Variants in SAG observed in about 807,000 individuals in gnomAD.
SAG encodes the protein S-antigen visual arrestin.
In SAG, 45 loss-of-function variants were observed where a neutral mutation model predicts 55.0. The observed-to-expected ratio is 0.82, with a 90% CI of 0.64 to 1.05. SAG has a LOEUF of 1.05. Ranked by LOEUF, SAG falls within the 50% of genes least tolerant of loss-of-function variation. The pLI, the probability that SAG is intolerant of heterozygous loss-of-function variation, is 0.00. For synonymous variants in SAG, 189 were observed against 197.4 expected (o/e 0.96, Z 0.36); for missense variants, 455 against 512.1 (o/e 0.89, Z 1.08).
chr2:233,310,506 C>CTTTTTT (rs967605903), intron 2 of SAG, among the ~76,000 whole-genome samples: 3 of 115,434 alleles, frequency 2.6e-5, no homozygotes, highest in African/African-American at 7.7e-5. Context: ...ATCATTCTGG[C>CTTTTTT]TTTTTTTTTT....
Position 233,319,639 on chromosome 2 carries a change from A to G in SAG, c.181+844A>G, listed in dbSNP as rs1259304715. 7 of 985,866 alleles carry G rather than the reference A, an allele frequency of 7.1e-6. No individual in the cohort carries two copies. In the Admixed American group the frequency reaches 4.3e-4, roughly 60 times the overall value. The allele number at this position is 985,866 out of a possible 1,614,324, so 61.1% of individuals were successfully genotyped here. The stretch of plus-strand genomic sequence containing the variant: ...CCAAACGGCCCCCTCTGTCCTCTCC[A>G]CCTTCCTCCTGGGTGCCCTGCTCCT... On this transcript the variant is annotated intron_variant, in intron 4 of 15. Coordinates refer to ENST00000409110, the MANE Select transcript of SAG (RefSeq NM_000541.5). This position sits in a 1 kb window ranked among gnomAD's most constrained non-coding sequence, Gnocchi z 4.4.
At chr2:233,334,287 T>C (rs1377426471) in intron 10 of SAG, 3 of 152,298 alleles carry the variant, frequency 2.0e-5, no homozygotes, top group African/African-American at 7.2e-5. Context: ...TTCATGATCC[T>C]GGCCATGCTG....
At chr2:233,327,403 C>T in intron 7 of SAG, 1 of 479,280 alleles carries the variant, frequency 2.1e-6, no homozygotes, top group East Asian at 3.3e-5. Context: ...TTAGCAACCT[C>T]CAGGGCTCAC....
chr2:233,326,177 C>T (rs1186924607), intron 6 of SAG, among the ~76,000 whole-genome samples: 2 of 152,116 alleles, frequency 1.3e-5, no homozygotes, highest in African/African-American at 2.4e-5. Context: ...CACTGGGAAT[C>T]GGGGGAAGGT....
In SAG at chr2:233,335,110, G is replaced by A. The variant is rs574597835; in HGVS notation, c.944+11G>A. ...TGCCTCCAGCACCATGTGAGTCCTCGAGGCTCAGGGAATAAGCCCTGGCAG... is the reference window on the plus strand; with the variant it reads ...TGCCTCCAGCACCATGTGAGTCCTCAAGGCTCAGGGAATAAGCCCTGGCAG... On this transcript the variant is annotated intron_variant, in intron 11 of 15. Coordinates refer to ENST00000409110, the MANE Select transcript of SAG (RefSeq NM_000541.5). 4.4e-6 allele frequency: 7 copies of A among 1,605,506 alleles called. No individual in the cohort carries two copies. Among genetic ancestry groups the A allele is most frequent in the East Asian group, 4.5e-5 (2 of 44,648 alleles).
At chr2:233,341,502 A>C (rs1225088002) in intron 13 of SAG, among the ~76,000 whole-genome samples, 1 of 152,272 alleles carries the variant, frequency 6.6e-6, no homozygotes, top group Non-Finnish European at 1.5e-5. Flanking sequence ...AATATTACTG[A>C]GCCATAAAAA....
chr2:233,338,616 C>A, intron 11 of SAG, 60 bp from the exon 12 acceptor site: 1 of 1,432,738 alleles, frequency 7.0e-7, no homozygotes. Flanking sequence ...AAAGGCTGCC[C>A]ATCTGCTCTT....
In SAG at chr2:233,320,785, A is replaced by C. The variant is rs764430740; in HGVS notation, c.337A>C (p.Lys113Gln). 1 of 1,604,748 alleles carries C rather than the reference A, an allele frequency of 6.2e-7. No individual in the cohort carries two copies. Among genetic ancestry groups the C allele is most frequent in the African/African-American group, 1.3e-5 (1 of 74,684 alleles). The change falls in exon 5 of 16, where the codon AAA (lysine) becomes CAA (glutamine). Residue 113 changes from lysine (K) to glutamine (Q), a missense_variant. Transcript: ENST00000409110. ...CACAAAACTGCAAGAGAGCCTGCTT[A>C]AAAAGCTGGGGAGCAACACGTACCC... ...TPTKLQESLL[K>Q]KLGSNTYPFL...
rs779372942 is a variant in SAG at position 233,319,168 on chromosome 2, G to A, written c.181+373G>A. On this transcript the variant is annotated intron_variant, in intron 4 of 15. Transcript: ENST00000409110. The surrounding 1 kb of genome is among the most constrained non-coding windows in gnomAD (Gnocchi z 4.4). The stretch of plus-strand genomic sequence containing the variant: ...AGGACTCAGGAGGACACAAGACCTT[G>A]AATGAATGAGGGGCGAGTGAGTGGG... 3.9e-5 allele frequency among the ~76,000 whole-genome samples: 6 copies of A among 152,134 alleles called. No individual in the cohort carries two copies. The highest frequency in any genetic ancestry group is 1.5e-5 in the Non-Finnish European group (1 of 68,028).
chr2:233,335,266 C>G (rs1339573014), intron 11 of SAG, among the ~76,000 whole-genome samples, 167 bp downstream of exon 11: 1 of 152,254 alleles, frequency 6.6e-6, no homozygotes, highest in Non-Finnish European at 1.5e-5. Flanking sequence ...ATCCCACTCT[C>G]ACCCCTGGTG....
chr2:233,334,105 G>A (rs1034681187), intron 10 of SAG: 1 of 152,374 alleles, frequency 6.6e-6, no homozygotes, highest in African/African-American at 2.4e-5. Flanking sequence ...AGAGTGTGCA[G>A]CCACGTGACT....
In SAG at chr2:233,346,919, C is replaced by G; in HGVS notation, c.*7C>G. 2 of 1,552,388 alleles carry G rather than the reference C, an allele frequency of 1.3e-6. No individual in the cohort carries two copies. The highest frequency in any genetic ancestry group is 1.8e-6 in the Non-Finnish European group (2 of 1,126,796). ...GAATGACGTTGATGAGTGAAGATGT[C>G]GGCTCAGGATGCCGGAAAATGACCT... On this transcript the variant is annotated 3_prime_UTR_variant, in exon 16 of 16. Coordinates refer to ENST00000409110, the MANE Select transcript of SAG (RefSeq NM_000541.5).
chr2:233,344,081 T>C (rs1032877822), intron 14 of SAG: 8 of 152,812 alleles, frequency 5.2e-5, no homozygotes, highest in African/African-American at 1.9e-4. Flanking sequence ...TGCTTTCTGG[T>C]TCCTTTCAAG....
Position 233,340,593 on chromosome 2 carries a change from G to C in SAG, c.1046+115G>C. ...GCTTTCTGGACAGTTGTGCTCAGAG[G>C]TGTTAGGAATGATGCTTTGCCTTCG... On this transcript the variant is annotated intron_variant, in intron 13 of 15. Coordinates refer to ENST00000409110, the MANE Select transcript of SAG (RefSeq NM_000541.5). This position sits in a 1 kb window ranked among gnomAD's most constrained non-coding sequence, Gnocchi z 4.2. The C allele has an allele frequency of 1.2e-6, 1 of 808,460 alleles. No homozygotes were observed. Among genetic ancestry groups the C allele is most frequent in the Non-Finnish European group, 2.1e-6 (1 of 479,256 alleles). The allele number at this position is 808,460 out of a possible 1,614,324, so 50.1% of individuals were successfully genotyped here.
At chr2:233,330,045 C>T (rs1290777338) in intron 9 of SAG, among the ~76,000 whole-genome samples, 1 of 152,216 alleles carries the variant, frequency 6.6e-6, no homozygotes, top group Non-Finnish European at 1.5e-5. Context: ...ACTGTCTCGG[C>T]TCAAATGGCC....
rs772813963 is a variant in SAG at position 233,328,485 on chromosome 2, G to A, written c.520G>A (p.Val174Met). 7.4e-6 allele frequency: 12 copies of A among 1,613,124 alleles called. No homozygotes were observed. The highest frequency in any genetic ancestry group is 4.4e-5 in the South Asian group (4 of 91,062). Residue 174 changes from valine to methionine, a missense_variant, in exon 8 of 16, where the codon GTG becomes ATG. Transcript: ENST00000409110. ...TGTGGCTGTTTCCCACAGGAGCTCC[G>A]TGCGATTACTGATCCGCAAAGTACA... is the stretch of plus-strand genomic sequence containing the variant. ...EEDKIPKKSS[V>M]RLLIRKVQHA...
intron 11 of SAG, among the ~76,000 whole-genome samples, chr2:233,336,634 A>C (rs1008104327): frequency 2.6e-5 from 4 of 152,194 alleles, no homozygotes; most frequent in Admixed American, 6.5e-5. Flanking sequence ...AGCCAGAATG[A>C]AAGACTTATC....
chr2:233,326,908 G>A (rs189307715), intron 6 of SAG, among the ~76,000 whole-genome samples: 2 of 152,344 alleles, frequency 1.3e-5, no homozygotes, highest in African/African-American at 2.4e-5. Flanking sequence ...CCCTCTGGGG[G>A]CTTTGGGCCC....
chr2:233,312,081 G>C (rs553965050), intron 2 of SAG, among the ~76,000 whole-genome samples: 1 of 152,090 alleles, frequency 6.6e-6, no homozygotes. Context: ...AGCCGAGATC[G>C]CGCCATTGCA....
Sources: allele counts gnomAD v4.1 joint callset (sites outside exome capture counted in the v4.1 genomes callset), GRCh38; gene constraint gnomAD v4.1.1; non-coding constraint Gnocchi (gnomAD v3.1); transcripts MANE v1.5; gene names NCBI Gene and HGNC (gene_info 2026-07-23, HGNC 2026-07-21).